Variants in AFAP1 observed in about 807,000 individuals in gnomAD.
AFAP1 encodes the protein actin filament associated protein 1.
A neutral mutation model predicts 93.9 loss-of-function variants in AFAP1; 75 were observed. The ratio of observed to expected loss-of-function variants is 0.80; its 90% confidence interval spans 0.66 to 0.97. The LOEUF (loss-of-function observed/expected upper bound fraction) is 0.97, where lower values mean the gene tolerates loss of function less well. AFAP1 is among the 50% of genes least tolerant of loss of function. AFAP1 has a pLI of 0.00. For synonymous variants in AFAP1, 517 were observed against 430.7 expected (o/e 1.20, Z -2.48); for missense variants, 1,201 against 1,050.8 (o/e 1.14, Z -1.98).
intron 10 of AFAP1, among the ~76,000 whole-genome samples, chr4:7,797,081 T>TAAC (rs1718499635): frequency 6.6e-6 from 1 of 151,458 alleles, no homozygotes; most frequent in African/African-American, 2.4e-5. Flanking sequence ...TTAATAATAA[T>TAAC]AATCTATGAA....
intron 11 of AFAP1, among the ~76,000 whole-genome samples, chr4:7,786,636 C>T (rs1717292148): frequency 3.9e-5 from 6 of 152,032 alleles, no homozygotes; most frequent in Admixed American, 2.6e-4. Context: ...GTGGCCCCAA[C>T]GCTAGGTACA....
intron 11 of AFAP1, among the ~76,000 whole-genome samples, chr4:7,793,407 G>C (rs1247415343): frequency 6.6e-6 from 1 of 152,224 alleles, no homozygotes; most frequent in Non-Finnish European, 1.5e-5. Flanking sequence ...CGGGAGCTGA[G>C]TGGTTATTAA....
intron 11 of AFAP1, among the ~76,000 whole-genome samples, chr4:7,787,450 C>T (rs1292631641): frequency 6.6e-6 from 1 of 152,198 alleles, no homozygotes; most frequent in South Asian, 2.1e-4. Flanking sequence ...ATTGGTTAGA[C>T]GCACAGGTGA....
At chr4:7,816,702 C>G (rs1720511197) in intron 7 of AFAP1, among the ~76,000 whole-genome samples, 1 of 152,170 alleles carries the variant, frequency 6.6e-6, no homozygotes, top group Non-Finnish European at 1.5e-5. Flanking sequence ...CAGCTAGACC[C>G]CTTCCATTGC....
chr4:7,765,477 G>A lies in AFAP1; in HGVS notation c.2419-1686C>T, dbSNP rs771033015. Among the ~76,000 whole-genome samples the A allele has an allele frequency of 1.8e-4, 27 of 152,208 alleles. 1 individual carries two copies. Among genetic ancestry groups the A allele is most frequent in the African/African-American group, 4.8e-4 (20 of 41,444 alleles). ...TACCTGCCCCTCCCTACTGGACAGCGCCCTCCGTGCTCTTCCTCACCTCTT... is the reference window on the plus strand; with the variant it reads ...TACCTGCCCCTCCCTACTGGACAGCACCCTCCGTGCTCTTCCTCACCTCTT... On this transcript the variant is annotated intron_variant, in intron 17 of 17. Coordinates refer to ENST00000420658, the MANE Select transcript of AFAP1 (RefSeq NM_001134647.2).
At chr4:7,769,430 A>G (rs933238641) in intron 16 of AFAP1, among the ~76,000 whole-genome samples, 3 of 152,204 alleles carry the variant, frequency 2.0e-5, no homozygotes, top group African/African-American at 7.2e-5. Context: ...GGCGGCACTC[A>G]CGGCAGCACT....
chr4:7,769,810 G>C (rs1275780031), intron 16 of AFAP1, among the ~76,000 whole-genome samples: 1 of 152,202 alleles, frequency 6.6e-6, no homozygotes, highest in East Asian at 1.9e-4. Flanking sequence ...CATGAAAATG[G>C]GCAGCTCGGG....
intron 3 of AFAP1, among the ~76,000 whole-genome samples, chr4:7,866,361 A>G (rs1716399562): frequency 6.6e-6 from 1 of 152,008 alleles, no homozygotes; most frequent in African/African-American, 2.4e-5. Context: ...ACACCCGGCT[A>G]ATTTTTGTAT....
intron 1 of AFAP1, among the ~76,000 whole-genome samples, chr4:7,890,277 G>GA (rs1160221085): frequency 5.3e-5 from 8 of 151,684 alleles, no homozygotes; most frequent in Admixed American, 5.3e-4. Flanking sequence ...ATGCAATGGG[G>GA]AAAAAAAACA....
chr4:7,801,449 C>T (rs1047995920), intron 9 of AFAP1, among the ~76,000 whole-genome samples: 2 of 151,920 alleles, frequency 1.3e-5, no homozygotes, highest in African/African-American at 4.8e-5. Flanking sequence ...AAAAAACCTC[C>T]TCAAATACAG....
At position 7,925,390 on chromosome 4, in the gene AFAP1, T is replaced by C. The variant is rs1577364222; in HGVS notation, c.-3+14266A>G. 2.0e-5 allele frequency among the ~76,000 whole-genome samples: 3 copies of C among 152,330 alleles called. No individual in the cohort carries two copies. In the South Asian group the frequency reaches 6.2e-4, roughly 32 times the overall value. On this transcript the variant is annotated intron_variant, in intron 1 of 17. Coordinates refer to ENST00000420658, the MANE Select transcript of AFAP1 (RefSeq NM_001134647.2). ...CCTTGAAGTCAAACTTCTGAGTTCA[T>C]CCAGTACTTCATCTTTCCACTTTAG...
intron 1 of AFAP1, among the ~76,000 whole-genome samples, chr4:7,899,766 G>A (rs4256209): frequency 0.12 from 18,283 of 152,102 alleles, 1,360 homozygotes; most frequent in Non-Finnish European, 0.17. Flanking sequence ...AGCAGGCTTC[G>A]AATATGTTTG....
chr4:7,871,285 C>T (rs1359877936), intron 2 of AFAP1, among the ~76,000 whole-genome samples: 1 of 152,182 alleles, frequency 6.6e-6, no homozygotes, highest in Non-Finnish European at 1.5e-5. Flanking sequence ...CAGAAGTGAT[C>T]CCACCATTCC....
At chr4:7,766,715 C>T (rs1247464928) in intron 17 of AFAP1, among the ~76,000 whole-genome samples, 3 of 152,174 alleles carry the variant, frequency 2.0e-5, no homozygotes, top group South Asian at 2.1e-4. Flanking sequence ...GCCCCTCGGG[C>T]ACCTCCCAGA....
intron 3 of AFAP1, among the ~76,000 whole-genome samples, chr4:7,858,833 C>T (rs1033051441): frequency 2.6e-5 from 4 of 152,190 alleles, no homozygotes; most frequent in Non-Finnish European, 5.9e-5. Context: ...GAGTCCAATT[C>T]CAGCATTCTT....
chr4:7,832,649 A>G (rs1711762247), intron 6 of AFAP1, among the ~76,000 whole-genome samples: 1 of 138,038 alleles, frequency 7.2e-6, no homozygotes, highest in African/African-American at 2.8e-5. Context: ...ACTAGAAAAA[A>G]CAATCCTAAA....
chr4:7,772,898 C>G lies in AFAP1; in HGVS notation c.2175G>C (p.Glu725Asp), dbSNP rs947794919. ...SLELELTEVK[E>D]SLKKALAGGV... ...CGCCCGCCAGCGCTTTCTTCAGGCT[C>G]TCCTTGACCTCCGTCAGCTCCAGCT... is the stretch of plus-strand genomic sequence containing the variant. The change falls in exon 16 of 18, where the codon GAG becomes GAC. Residue 725 changes from glutamate (E) to aspartate (D), a missense_variant. By Grantham distance (45) the Glu-to-Asp change is conservative (BLOSUM62 2). Transcript: ENST00000420658. The G allele has an allele frequency of 1.1e-5, 18 of 1,614,190 alleles. No homozygotes were observed. Among genetic ancestry groups the G allele is most frequent in the Non-Finnish European group, 1.4e-5 (17 of 1,180,036 alleles).
At chr4:7,794,705 T>G in intron 10 of AFAP1, among the ~76,000 whole-genome samples, 1 of 151,986 alleles carries the variant, frequency 6.6e-6, no homozygotes, top group East Asian at 1.9e-4. Flanking sequence ...TATTTTTTAT[T>G]TGTAGAGACA....
At chr4:7,910,445 G>A (rs1719662874) in intron 1 of AFAP1, among the ~76,000 whole-genome samples, 1 of 152,148 alleles carries the variant, frequency 6.6e-6, no homozygotes, top group Admixed American at 6.5e-5. Flanking sequence ...AAACATTAAG[G>A]TGATATCAAG....
Sources: gnomAD v4.1 joint callset for allele counts (sites outside exome capture counted in the v4.1 genomes callset) on GRCh38, gnomAD v4.1.1 for gene constraint, MANE v1.5 for transcripts, NCBI Gene and HGNC (gene_info 2026-07-23, HGNC 2026-07-21) for gene names.